Variants in CLVS1 observed in about 807,000 individuals in gnomAD.
CLVS1 encodes clavesin-1.
In CLVS1, 10 loss-of-function variants were observed where a neutral mutation model predicts 33.1. The ratio of observed to expected loss-of-function variants is 0.30; its 90% confidence interval spans 0.19 to 0.51. The LOEUF (loss-of-function observed/expected upper bound fraction) is 0.51, where lower values mean the gene tolerates loss of function less well. CLVS1 is among the 20% of genes least tolerant of loss of function. The pLI is 0.97. For missense variants in CLVS1, 343 were observed against 433.4 expected (o/e 0.79, Z 1.85); for synonymous variants, 163 against 166.1 (o/e 0.98, Z 0.14).
chr8:61,358,388 CAT>C (rs1221729102), intron 2 of CLVS1, among the ~76,000 whole-genome samples: 2 of 152,184 alleles, frequency 1.3e-5, no homozygotes, highest in African/African-American at 4.8e-5. Context: ...CATATTTAGT[CAT>C]ATGTGACTTT....
the CLVS1 span, among the ~76,000 whole-genome samples, chr8:61,004,811 A>G: frequency 6.6e-6 from 1 of 152,176 alleles, no homozygotes; most frequent in Admixed American, 6.6e-5. Flanking sequence ...CCATTCAAGT[A>G]CCAAATAAAG....
intron 2 of CLVS1, among the ~76,000 whole-genome samples, chr8:61,181,697 CTTTTTTTT>C (rs369025438): frequency 9.7e-5 from 10 of 103,202 alleles, no homozygotes; most frequent in Non-Finnish European, 9.3e-5. Context: ...ACCATCTGAT[CTTTTTTTT>C]TTTTTTTTTT....
intron 3 of CLVS1, among the ~76,000 whole-genome samples, chr8:61,413,511 G>A (rs1217795197): frequency 1.3e-5 from 2 of 152,214 alleles, no homozygotes; most frequent in Non-Finnish European, 2.9e-5. Context: ...TCCAGCAGCA[G>A]TGGGATGGAC....
intron 2 of CLVS1, among the ~76,000 whole-genome samples, chr8:61,258,858 G>A (rs1255042752): frequency 6.6e-6 from 1 of 152,126 alleles, no homozygotes; most frequent in Non-Finnish European, 1.5e-5. Context: ...ACAACAGAAT[G>A]TTTTAGGGAA....
intron 2 of CLVS1, among the ~76,000 whole-genome samples, chr8:61,278,881 C>T (rs571490558): frequency 2.0e-5 from 3 of 152,102 alleles, no homozygotes; most frequent in Non-Finnish European, 2.9e-5. Context: ...GCCTCTGGGC[C>T]GAGCTGGTGG....
chr8:61,442,125 G>A lies in CLVS1; in HGVS notation c.631-12016G>A, dbSNP rs188047599. Among the ~76,000 whole-genome samples, 3 of 152,146 alleles carry A rather than the reference G, an allele frequency of 2.0e-5. No individual in the cohort carries two copies. In the East Asian group the frequency reaches 5.8e-4, roughly 29 times the overall value. On this transcript the variant is annotated intron_variant, in intron 3 of 5. Coordinates refer to ENST00000325897, the MANE Select transcript of CLVS1 (RefSeq NM_173519.3). Reference sequence around the variant, plus strand: ...CCCCTGGCAATCACTAATCTGTTCTGTTTCTATAATTTCATCATTTCAATA... The same window carrying A: ...CCCCTGGCAATCACTAATCTGTTCTATTTCTATAATTTCATCATTTCAATA...
At chr8:61,478,584 T>C (rs910019813) in intron 5 of CLVS1, among the ~76,000 whole-genome samples, 2 of 152,218 alleles carry the variant, frequency 1.3e-5, no homozygotes, top group Admixed American at 1.3e-4. Flanking sequence ...GCCTTCTATG[T>C]CTCTTTTGAT....
At position 61,388,244 on chromosome 8, in the gene CLVS1, C is replaced by A. The variant is rs546055089; in HGVS notation, c.630+11465C>A. Among the ~76,000 whole-genome samples, 14 of 151,414 alleles carry A rather than the reference C, an allele frequency of 9.2e-5. No individual in the cohort carries two copies. In the South Asian group the frequency reaches 2.9e-3, roughly 32 times the overall value. On this transcript the variant is annotated intron_variant, in intron 3 of 5. Transcript: ENST00000325897. ...CTTGACTTTCAAAACCATAGATCAGCTTTGCTGCAGTACAGTTTATACAAA... is the reference window on the plus strand; with the variant it reads ...CTTGACTTTCAAAACCATAGATCAGATTTGCTGCAGTACAGTTTATACAAA...
At chr8:61,058,742 T>A (rs915805455) in intron 1 of CLVS1, among the ~76,000 whole-genome samples, 12 of 152,226 alleles carry the variant, frequency 7.9e-5, no homozygotes, top group African/African-American at 2.4e-4. Flanking sequence ...ATCTGTTTTC[T>A]GTTATAATAG....
rs185775002 is a variant in CLVS1, at chr8:61,223,924, T to C, written c.-151-75753T>C. The stretch of plus-strand genomic sequence containing the variant: ...CATGTCTTATTTCAGTGAGGTGGTC[T>C]TCAAACTCTGATATCCTTTGTTCTG... On this transcript the variant is annotated intron_variant, in intron 2 of 2. Transcript: ENST00000522621. Among the ~76,000 whole-genome samples the C allele has an allele frequency of 3.3e-5, 5 of 152,080 alleles. No individual in the cohort carries two copies. In the East Asian group the frequency reaches 5.9e-4, roughly 18 times the overall value.
chr8:61,476,797 C>T (rs1366497491), intron 5 of CLVS1, among the ~76,000 whole-genome samples: 1 of 152,128 alleles, frequency 6.6e-6, no homozygotes, highest in East Asian at 1.9e-4. Context: ...ATTTTCTTCT[C>T]CTGCCTGATT....
the CLVS1 span, among the ~76,000 whole-genome samples, chr8:60,995,036 G>A: frequency 4.0e-5 from 6 of 151,826 alleles, no homozygotes; most frequent in East Asian, 1.9e-4. Context: ...AGACTTAAAC[G>A]TTAGACCTAA....
At chr8:61,479,061 T>G (rs199677250) in intron 5 of CLVS1, among the ~76,000 whole-genome samples, 2 of 152,316 alleles carry the variant, frequency 1.3e-5, no homozygotes, top group East Asian at 1.9e-4. Flanking sequence ...TATGTGTCTT[T>G]GAGTTGCTCT....
chr8:61,130,919 A>G (rs1806082389), intron 1 of CLVS1, among the ~76,000 whole-genome samples: 1 of 152,274 alleles, frequency 6.6e-6, no homozygotes, highest in Non-Finnish European at 1.5e-5. Flanking sequence ...TCATCAACTC[A>G]TAAAAATATC....
At chr8:61,468,732 A>AG (rs1189059606) in intron 5 of CLVS1, among the ~76,000 whole-genome samples, 64 of 149,212 alleles carry the variant, frequency 4.3e-4, no homozygotes, top group African/African-American at 1.5e-3. Flanking sequence ...AAAAAAAAAA[A>AG]AAAAAAAGGT....
At chr8:61,056,511 A>T (rs1205647581), upstream of CLVS1, among the ~76,000 whole-genome samples, 3 of 152,158 alleles carry the variant, frequency 2.0e-5, no homozygotes, top group Non-Finnish European at 4.4e-5. Flanking sequence ...TCTGAGGCAA[A>T]CAAGATCATG....
At chr8:61,357,857 A>G (rs536192349) in intron 2 of CLVS1, among the ~76,000 whole-genome samples, 66 of 151,996 alleles carry the variant, frequency 4.3e-4, no homozygotes, top group Admixed American at 1.7e-3. Context: ...AAGCCTGGCC[A>G]CCGGGACATT....
At chr8:61,099,997 G>A (rs749710786) in intron 1 of CLVS1, among the ~76,000 whole-genome samples, 1 of 152,138 alleles carries the variant, frequency 6.6e-6, no homozygotes, top group African/African-American at 2.4e-5. Context: ...GCTAGAATTA[G>A]GGACATTTAT....
At chr8:61,048,491 A>G in the CLVS1 span, among the ~76,000 whole-genome samples, 1 of 152,208 alleles carries the variant, frequency 6.6e-6, no homozygotes, top group African/African-American at 2.4e-5. Flanking sequence ...CCTGGGCTGA[A>G]TGCCCCAGAT....
Sources: allele counts gnomAD v4.1 joint callset (sites outside exome capture counted in the v4.1 genomes callset), GRCh38; gene constraint gnomAD v4.1.1; transcripts MANE v1.5; gene names NCBI Gene and HGNC (gene_info 2026-07-23, HGNC 2026-07-21).